The following PFKFB1 variants were observed in gnomAD, a reference collection of about 807,000 sequenced individuals.
The protein encoded by PFKFB1 is 6-phosphofructo-2-kinase/fructose-2,6-biphosphatase 1, also known as 6-phosphofructo-2-kinase/fructose-2,6-bisphosphatase 1.
Under a neutral mutation model 46.4 loss-of-function variants are expected in PFKFB1, and 34 were observed. The ratio of observed to expected loss-of-function variants is 0.73; its 90% CI spans 0.56 to 0.98. The LOEUF (loss-of-function observed/expected upper bound fraction) is 0.98, where lower values mean the gene tolerates loss of function less well. Ranked by LOEUF, PFKFB1 falls within the 50% of genes least tolerant of loss-of-function variation. The pLI, the probability that PFKFB1 is intolerant of heterozygous loss-of-function variation, is 0.00. For synonymous variants in PFKFB1, 119 were observed against 133.8 expected (o/e 0.89, Z 0.76); for missense variants, 393 against 376.3 (o/e 1.04, Z -0.37).
intron 2 of PFKFB1, 102 bp from the exon 3 acceptor site, chrX:54,961,019 T>C: frequency 2.2e-6 from 1 of 459,893 alleles, no homozygotes. Flanking sequence ...GTATAATTTG[T>C]AGCTACAAAA....
chrX:54,933,947 G>GT (rs1933304880), intron 12 of PFKFB1, 62 bp from the exon 13 acceptor site: 1 of 900,287 alleles, frequency 1.1e-6, no homozygotes, highest in Non-Finnish European at 1.6e-6. Flanking sequence ...CTTCCCTGAG[G>GT]TATCACCTCC....
intron 6 of PFKFB1, 108 bp from the exon 7 acceptor site, chrX:54,956,382 T>A: frequency 1.1e-6 from 1 of 913,229 alleles, no homozygotes; most frequent in South Asian, 2.3e-5. Flanking sequence ...ATTATAAAGA[T>A]GAGGAAATTG....
At chrX:54,955,248 C>T (rs1934098724) in intron 7 of PFKFB1, among the ~76,000 whole-genome samples, 1 of 111,608 alleles carries the variant, frequency 9.0e-6, no homozygotes, top group Non-Finnish European at 1.9e-5. Flanking sequence ...GTTCCTCCAT[C>T]TAAAGAGTGG....
chrX:54,984,794 C>T (rs928726520), intron 1 of PFKFB1, among the ~76,000 whole-genome samples: 1 of 111,488 alleles, frequency 9.0e-6, no homozygotes, highest in African/African-American at 3.3e-5. Flanking sequence ...GGCTAAATTC[C>T]TGGCAAGTGT....
At chrX:54,957,886 A>G (rs1408802271) in intron 6 of PFKFB1, among the ~76,000 whole-genome samples, 1 of 111,214 alleles carries the variant, frequency 9.0e-6, no homozygotes, top group Non-Finnish European at 1.9e-5. Context: ...TCTGGTATGA[A>G]TTTTGGGGCA....
chrX:54,971,967 T>G lies in PFKFB1; in HGVS notation c.98-8585A>C, dbSNP rs1934678107. 3.6e-5 allele frequency among the ~76,000 whole-genome samples: 4 copies of G among 111,811 alleles called. No homozygotes were observed. In the South Asian group the frequency reaches 1.5e-3, roughly 42 times the overall value. ...TCATGATATTGATTCTTCCTACCCA[T>G]GAGCATGGAATGTTCTTCCATTTGT... On this transcript the variant is annotated intron_variant, in intron 1 of 13. Coordinates refer to ENST00000375006, the MANE Select transcript of PFKFB1 (RefSeq NM_002625.4).
At chrX:54,996,882 G>A (rs1238194476), upstream of PFKFB1, among the ~76,000 whole-genome samples, 2 of 111,102 alleles carry the variant, frequency 1.8e-5, no homozygotes, top group African/African-American at 6.6e-5. Context: ...ACTTCCTCTG[G>A]GAAGTGACCC....
chrX:54,962,524 C>T (rs557990096), intron 2 of PFKFB1, among the ~76,000 whole-genome samples: 4 of 111,658 alleles, frequency 3.6e-5, no homozygotes, highest in South Asian at 3.7e-4. Flanking sequence ...GGTAAACCAT[C>T]GGGAAACTCC....
chrX:54,983,882 T>C (rs1602224679), intron 1 of PFKFB1, among the ~76,000 whole-genome samples: 1 of 112,052 alleles, frequency 8.9e-6, no homozygotes, highest in East Asian at 2.8e-4. Flanking sequence ...AGATGGTATC[T>C]CACTGTGGCT....
chrX:54,934,872 G>T, intron 12 of PFKFB1, 75 bp downstream of exon 12: 2 of 861,648 alleles, frequency 2.3e-6, no homozygotes, highest in East Asian at 3.3e-5. Flanking sequence ...GGACTCTTCT[G>T]GGCAAATGGT....
Position 54,937,730 on chromosome X carries a change from C to T in PFKFB1, c.1099-6G>A, listed in dbSNP as rs373155935. The T allele has an allele frequency of 6.7e-5, 81 of 1,200,250 alleles. No homozygotes were observed. In the African/African-American group the frequency reaches 8.1e-4, roughly 12 times the overall value. On this transcript the variant is annotated splice_region_variant and splice_polypyrimidine_tract_variant and intron_variant, in intron 10 of 13. Coordinates refer to ENST00000375006, the MANE Select transcript of PFKFB1 (RefSeq NM_002625.4). ...TGAACCAGATCCTCATAGGACTAAA[C>T]GTAAGAGAGATACTTGAGTGAGAAA...
rs188286791 is a variant in PFKFB1, at chrX:54,976,258, T to G, written c.98-12876A>C. 5.6e-3 allele frequency among the ~76,000 whole-genome samples: 627 copies of G among 111,493 alleles called. 1 individual carries two copies. Among genetic ancestry groups the G allele is most frequent in the Non-Finnish European group, 0.01 (542 of 52,899 alleles). ...TTATATATCTGGTATATCCAAAATA[T>G]ATAAATAACACTTAAAACTGAACAA... On this transcript the variant is annotated intron_variant, in intron 1 of 13. Coordinates refer to ENST00000375006, the MANE Select transcript of PFKFB1 (RefSeq NM_002625.4).
intron 6 of PFKFB1, among the ~76,000 whole-genome samples, chrX:54,957,776 T>C (rs1170293050): frequency 1.8e-5 from 2 of 111,190 alleles, no homozygotes; most frequent in Non-Finnish European, 3.8e-5. Context: ...AGGTCTCTTC[T>C]GTTCTTGAGC....
intron 8 of PFKFB1, among the ~76,000 whole-genome samples, chrX:54,951,566 TG>T (rs1467519059): frequency 8.9e-6 from 1 of 111,821 alleles, no homozygotes; most frequent in African/African-American, 3.2e-5. Context: ...GTAGACCAGG[TG>T]GGGAAGCTGC....
At chrX:54,998,529 G>T, upstream of PFKFB1, 1 of 728,018 alleles carries the variant, frequency 1.4e-6, no homozygotes, top group South Asian at 2.3e-5. Flanking sequence ...GTGTTCGTTG[G>T]TTCCCTGAGA....
chrX:54,957,622 C>T (rs1450075843), intron 6 of PFKFB1, among the ~76,000 whole-genome samples: 1 of 111,369 alleles, frequency 9.0e-6, no homozygotes, highest in Non-Finnish European at 1.9e-5. Flanking sequence ...ATAAAAATTA[C>T]AGGGAGGCAG....
chrX:54,939,344 A>G (rs2146593830), intron 10 of PFKFB1, among the ~76,000 whole-genome samples: 1 of 112,087 alleles, frequency 8.9e-6, no homozygotes, highest in East Asian at 2.8e-4. Context: ...TAGAGAAGCA[A>G]GAGCAAACAC....
intron 4 of PFKFB1, 152 bp downstream of exon 4, chrX:54,959,675 C>T (rs1372971193): frequency 6.7e-6 from 3 of 446,616 alleles, no homozygotes; most frequent in East Asian, 7.6e-5. Flanking sequence ...ATAATAACAA[C>T]ACCTATCTCA....
rs921750697 is a variant in PFKFB1, at chrX:54,970,205, G to A, written c.98-6823C>T. 2.7e-5 allele frequency among the ~76,000 whole-genome samples: 3 copies of A among 111,323 alleles called. No individual in the cohort carries two copies. The Admixed American group carries it at 2.9e-4, about 11-fold the overall frequency. ...ATTATAGGCATGAGCCACTGCAGCCGGCCCAAAATCTATTTTTAAAAACCT... is the reference window on the plus strand; with the variant it reads ...ATTATAGGCATGAGCCACTGCAGCCAGCCCAAAATCTATTTTTAAAAACCT... On this transcript the variant is annotated intron_variant, in intron 1 of 13. Coordinates refer to ENST00000375006, the MANE Select transcript of PFKFB1 (RefSeq NM_002625.4).
Sources: allele counts gnomAD v4.1 joint callset (sites outside exome capture counted in the v4.1 genomes callset), GRCh38; gene constraint gnomAD v4.1.1; transcripts MANE v1.5; gene names NCBI Gene and HGNC (gene_info 2026-07-23, HGNC 2026-07-21).